Variants in WDFY4 observed in about 807,000 individuals in gnomAD.
WDFY4 encodes WD repeat- and FYVE domain-containing protein 4.
WDFY4 carries 169 observed loss-of-function variants against 351.9 expected under a neutral mutation model. The ratio of observed to expected loss-of-function variants is 0.48; its 90% CI spans 0.42 to 0.55. The LOEUF (loss-of-function observed/expected upper bound fraction) is 0.55, where lower values mean the gene tolerates loss of function less well. Ranked by LOEUF, WDFY4 falls within the 20% of genes least tolerant of loss-of-function variation. WDFY4 has a pLI of 0.00. For missense variants in WDFY4, 3,803 were observed against 3,935.6 expected, an observed-to-expected ratio of 0.97 and a Z score of 0.90; for synonymous variants, 1,622 against 1,574.6, an observed-to-expected ratio of 1.03 and a Z score of -0.71.
At chr10:48,776,676 T>G in intron 15 of WDFY4, 74 bp from the exon 16 acceptor site, 2 of 1,336,966 alleles carry the variant, frequency 1.5e-6, no homozygotes, top group Non-Finnish European at 2.0e-6. Flanking sequence ...GGCAGATACT[T>G]TGGGGTTATT....
intron 13 of WDFY4, among the ~76,000 whole-genome samples, chr10:48,761,761 T>C (rs538190432): frequency 3.5e-4 from 53 of 152,326 alleles, no homozygotes; most frequent in African/African-American, 1.2e-3. Flanking sequence ...GCCTGGGAAA[T>C]GCACCAGTTT....
At chr10:48,907,114 A>G (rs902559637) in intron 47 of WDFY4, among the ~76,000 whole-genome samples, 2 of 152,216 alleles carry the variant, frequency 1.3e-5, no homozygotes, top group African/African-American at 4.8e-5. Context: ...GGAGCCTAAC[A>G]TTCGCACTTA....
chr10:48,943,209 G>C, intron 48 of WDFY4, 121 bp from the exon 49 acceptor site: 2 of 1,176,750 alleles, frequency 1.7e-6, no homozygotes, highest in South Asian at 1.6e-5. Flanking sequence ...TAACCGAGGG[G>C]CTGGCTGCCT....
At position 48,877,058 on chromosome 10, in the gene WDFY4, G is replaced by A. The variant is rs1426669831; in HGVS notation, c.7026G>A (p.Glu2342=). The stretch of plus-strand genomic sequence containing the variant: ...ATGAACTGACACTGAGGGAGGCTGA[G>A]GGCGAGCCGGACGAGGTGGGGGTGG... The part of the protein sequence containing the change: ...NQDELTLREA[E]GEPDEVGVDC... Residue 2342 remains glutamate (E), a synonymous_variant, in exon 43 of 62, where the codon GAG becomes GAA. Coordinates refer to ENST00000325239, the MANE Select transcript of WDFY4 (RefSeq NM_001394531.1). The A allele has an allele frequency of 1.3e-6, 2 of 1,512,598 alleles. No individual in the cohort carries two copies. Among genetic ancestry groups the A allele is most frequent in the Non-Finnish European group, 1.8e-6 (2 of 1,127,174 alleles). The allele number at this position is 1,512,598 out of a possible 1,614,324, so 93.7% of individuals were successfully genotyped here.
At chr10:48,932,804 G>A (rs1371966474) in intron 47 of WDFY4, among the ~76,000 whole-genome samples, 1 of 152,180 alleles carries the variant, frequency 6.6e-6, no homozygotes, top group African/African-American at 2.4e-5. Flanking sequence ...ACTGAGGTGG[G>A]TGGGGAGGTC....
chr10:48,785,008 C>T (rs1271760191), intron 19 of WDFY4, among the ~76,000 whole-genome samples: 1 of 151,700 alleles, frequency 6.6e-6, no homozygotes, highest in Non-Finnish European at 1.5e-5. Context: ...CAGGCACCCA[C>T]CACCATGCCT....
intron 60 of WDFY4, 97 bp downstream of exon 60, chr10:48,978,490 G>A: frequency 8.2e-7 from 1 of 1,212,290 alleles, no homozygotes; most frequent in Non-Finnish European, 1.1e-6. Context: ...GCTCCTCCCA[G>A]GTCTGCCCAG....
In WDFY4 at chr10:48,847,251, G is replaced by A. The variant is rs1234110894; in HGVS notation, c.6663+14542G>A. 1.3e-5 allele frequency among the ~76,000 whole-genome samples: 2 copies of A among 152,034 alleles called. 1 individual carries two copies. Among genetic ancestry groups the A allele is most frequent in the East Asian group, 3.9e-4 (2 of 5,184 alleles). On this transcript the variant is annotated intron_variant, in intron 39 of 61. Coordinates refer to ENST00000325239, the MANE Select transcript of WDFY4 (RefSeq NM_001394531.1). Reference sequence around the variant, plus strand: ...ACCGTGTCCTCATCTCCTGTTATAAGCACACCAGTCACGTAGGATTAGGGC... The same window carrying A: ...ACCGTGTCCTCATCTCCTGTTATAAACACACCAGTCACGTAGGATTAGGGC...
At chr10:48,970,704 C>T (rs941628175) in intron 57 of WDFY4, among the ~76,000 whole-genome samples, 1 of 152,216 alleles carries the variant, frequency 6.6e-6, no homozygotes, top group Non-Finnish European at 1.5e-5. Flanking sequence ...CACGGATTGC[C>T]TCATTTTAGC....
chr10:48,945,999 G>T lies in WDFY4; in HGVS notation c.7750-41G>T, dbSNP rs527624442. ...AGAGCGTGGCTCCTAGGGCACAAGC[G>T]GGTCTGGGGAGTTAACTCCAGCTGC... On this transcript the variant is annotated intron_variant, in intron 49 of 61. Coordinates refer to ENST00000325239, the MANE Select transcript of WDFY4 (RefSeq NM_001394531.1). The T allele has an allele frequency of 5.9e-6, 8 of 1,360,022 alleles. No individual in the cohort carries two copies. In the Admixed American group the frequency reaches 8.6e-5, roughly 15 times the overall value. 84.2% of individuals were successfully genotyped at this position (1,360,022 alleles called of 1,614,324 possible). A position where few individuals can be genotyped will look rare whatever the true frequency, so the allele number is the denominator to read the frequency against.
At chr10:48,962,420 A>G (rs1033250988) in intron 53 of WDFY4, among the ~76,000 whole-genome samples, 1 of 152,182 alleles carries the variant, frequency 6.6e-6, no homozygotes, top group African/African-American at 2.4e-5. Flanking sequence ...ACAATCCCAA[A>G]TGAACATTTT....
At position 48,877,217 on chromosome 10, in the gene WDFY4, A is replaced by G. The variant is rs762831307; in HGVS notation, c.7167+18A>G. On this transcript the variant is annotated intron_variant, in intron 43 of 61. Coordinates refer to ENST00000325239, the MANE Select transcript of WDFY4 (RefSeq NM_001394531.1). ...AAGAAAAGGTAATATACCCCATTGCAATAGCCTTTAAGATTTTTAAGTTAG... is the reference window on the plus strand; with the variant it reads ...AAGAAAAGGTAATATACCCCATTGCGATAGCCTTTAAGATTTTTAAGTTAG... 2 of 1,545,028 alleles carry G rather than the reference A, an allele frequency of 1.3e-6. No homozygotes were observed. Among genetic ancestry groups the G allele is most frequent in the South Asian group, 2.4e-5 (2 of 82,800 alleles).
In WDFY4 at chr10:48,746,438, G is replaced by C. The variant is rs35726428; in HGVS notation, c.2459+2890G>C. 7.3e-3 allele frequency among the ~76,000 whole-genome samples: 1,104 copies of C among 151,878 alleles called. 25 individuals are homozygous for C. Among genetic ancestry groups the C allele is most frequent in the Admixed American group, 0.04 (607 of 15,254 alleles). On this transcript the variant is annotated intron_variant, in intron 12 of 61. Coordinates refer to ENST00000325239, the MANE Select transcript of WDFY4 (RefSeq NM_001394531.1). ...TTTGGTTTTAACCTTTCTGTGTACT[G>C]TCCTTACATTTTTAGGTGTTTTTCT...
At chr10:48,726,958 C>T (rs1377334136) in intron 6 of WDFY4, among the ~76,000 whole-genome samples, 3 of 152,214 alleles carry the variant, frequency 2.0e-5, no homozygotes. Context: ...GCCCCATGGC[C>T]TGTCCCCTAG....
At chr10:48,792,195 A>G (rs2066706088) in intron 23 of WDFY4, among the ~76,000 whole-genome samples, 1 of 151,956 alleles carries the variant, frequency 6.6e-6, no homozygotes, top group Non-Finnish European at 1.5e-5. Context: ...CGCTCAGAGC[A>G]CCTCTTTTTT....
intron 44 of WDFY4, among the ~76,000 whole-genome samples, chr10:48,892,271 T>G (rs758771056): frequency 6.6e-6 from 1 of 152,252 alleles, no homozygotes; most frequent in Non-Finnish European, 1.5e-5. Flanking sequence ...GTAAATTGTG[T>G]TTATGAGGTG....
In WDFY4 at chr10:48,810,661, G is replaced by T; in HGVS notation, c.4970G>T (p.Arg1657Leu). ...TACTTTCTGGCAAGCCCCTCCCTCC[G>T]CACACGGTTTAGAGATGGCCTGTGT... The part of the protein sequence containing the change: ...LLYFLASPSL[R>L]TRFRDGLCAG... The change falls in exon 29 of 62, where the codon CGC becomes CTC. Residue 1657 changes from arginine to leucine, a missense_variant. Around this residue, in one of 3 missense-constraint regions of WDFY4, gnomAD observed 3,054 missense variants for 3,148.6 expected, o/e 0.97. Transcript: ENST00000325239. 1.3e-6 allele frequency: 2 copies of T among 1,551,518 alleles called. No homozygotes were observed. Among genetic ancestry groups the T allele is most frequent in the Non-Finnish European group, 1.7e-6 (2 of 1,146,974 alleles).
chr10:48,961,696 G>T (rs1337862694), intron 53 of WDFY4, among the ~76,000 whole-genome samples: 1 of 152,226 alleles, frequency 6.6e-6, no homozygotes, highest in Non-Finnish European at 1.5e-5. Context: ...TCTTGGAGAA[G>T]AAGGGAAGAT....
intron 1 of WDFY4, among the ~76,000 whole-genome samples, chr10:48,687,606 C>A (rs1035111461): frequency 7.2e-6 from 1 of 138,508 alleles, no homozygotes; most frequent in East Asian, 2.0e-4. Context: ...ATTTAATAGG[C>A]CATTCTTTTT....
Sources: allele counts gnomAD v4.1 joint callset (sites outside exome capture counted in the v4.1 genomes callset), GRCh38; gene constraint gnomAD v4.1.1; regional missense constraint gnomAD v4.1.1; transcripts MANE v1.5; gene names NCBI Gene and HGNC (gene_info 2026-07-23, HGNC 2026-07-21).